Variants in PPL observed in about 807,000 individuals in gnomAD.
PPL encodes the protein periplakin, also known as 190 kDa paraneoplastic pemphigus antigen.
PPL carries 198 observed loss-of-function variants against 194.4 expected under a neutral mutation model. That is an observed-to-expected ratio of 1.02 (90% confidence interval 0.91 to 1.15). The LOEUF (loss-of-function observed/expected upper bound fraction) is 1.15, where lower values mean the gene tolerates loss of function less well. PPL is among the 50% of genes most tolerant of loss of function. PPL has a pLI of 0.00. For missense variants in PPL, 2,885 were observed against 2,294.8 expected, an observed-to-expected ratio of 1.26 and a Z score of -5.25; for synonymous variants, 1,220 against 972.4, an observed-to-expected ratio of 1.25 and a Z score of -4.74.
intron 1 of PPL, among the ~76,000 whole-genome samples, chr16:4,913,376 G>A (rs775651435): frequency 1.3e-5 from 2 of 152,150 alleles, no homozygotes; most frequent in Admixed American, 1.3e-4. Flanking sequence ...CTCCCAATCC[G>A]ATGGACTAGA....
chr16:4,895,120 C>T, intron 11 of PPL, 141 bp downstream of exon 11: 1 of 1,131,148 alleles, frequency 8.8e-7, no homozygotes, highest in Non-Finnish European at 1.2e-6. Context: ...AGTTGGCCTG[C>T]ACCAGGGGAA....
intron 4 of PPL, among the ~76,000 whole-genome samples, chr16:4,902,000 G>A (rs1341979606): frequency 6.6e-6 from 1 of 151,820 alleles, no homozygotes; most frequent in African/African-American, 2.4e-5. Flanking sequence ...GCTAAGGCTT[G>A]AACCCGGGAC....
At chr16:4,918,228 G>A (rs2088965402) in intron 1 of PPL, among the ~76,000 whole-genome samples, 2 of 151,954 alleles carry the variant, frequency 1.3e-5, no homozygotes, top group Admixed American at 6.6e-5. Flanking sequence ...GGGAGGTGGA[G>A]GTTGCAGTGA....
intron 1 of PPL, among the ~76,000 whole-genome samples, chr16:4,930,813 G>A (rs921767962): frequency 3.3e-5 from 5 of 152,208 alleles, no homozygotes; most frequent in East Asian, 1.9e-4. Context: ...CCTTGTGGCC[G>A]GGCACAGCGT....
At chr16:4,909,989 C>T (rs564215587) in intron 2 of PPL, among the ~76,000 whole-genome samples, 1 of 152,198 alleles carries the variant, frequency 6.6e-6, no homozygotes, top group African/African-American at 2.4e-5. Flanking sequence ...GACTCATCAT[C>T]CCAGCCCCTT....
intron 1 of PPL, among the ~76,000 whole-genome samples, chr16:4,930,412 C>G (rs2089212233): frequency 6.6e-6 from 1 of 152,228 alleles, no homozygotes; most frequent in Non-Finnish European, 1.5e-5. Flanking sequence ...AGCTGGAACC[C>G]CTGCCCCATT....
intron 16 of PPL, 91 bp from the exon 17 acceptor site, chr16:4,891,012 G>A (rs1306195389): frequency 2.5e-6 from 3 of 1,199,502 alleles, no homozygotes; most frequent in African/African-American, 3.1e-5. Context: ...GCCACTGACT[G>A]TAGGAGGGTG....
In PPL at chr16:4,900,895, G is replaced by C. The variant is rs374901778; in HGVS notation, c.565-24C>G. On this transcript the variant is annotated intron_variant, in intron 5 of 21. Coordinates refer to ENST00000345988, the MANE Select transcript of PPL (RefSeq NM_002705.5). ...TCCTGAGGACAGAGCCGAGGGCATG[G>C]GTCAGGGCCAGGAAGCAGGCGCGGC... 9 of 1,613,962 alleles carry C rather than the reference G, an allele frequency of 5.6e-6. No individual in the cohort carries two copies. The African/African-American group carries it at 9.3e-5, about 17-fold the overall frequency.
chr16:4,910,964 C>T lies in PPL; in HGVS notation c.63-15G>A, dbSNP rs775540007. The T allele has an allele frequency of 6.8e-6, 11 of 1,607,126 alleles. No homozygotes were observed. The highest frequency in any genetic ancestry group is 2.2e-5 in the East Asian group (1 of 44,828). On this transcript the variant is annotated splice_polypyrimidine_tract_variant and intron_variant, in intron 1 of 21. Transcript: ENST00000345988. ...TGTTAGAGATGCTGCGGGCAGAAGC[C>T]GAGGGGAGATGGGCGGGGTGCCTGG...
chr16:4,916,269 C>T (rs2088914733), intron 1 of PPL, among the ~76,000 whole-genome samples: 1 of 147,168 alleles, frequency 6.8e-6, no homozygotes, highest in Admixed American at 6.7e-5. Flanking sequence ...CTGGAGTGCA[C>T]TGGCATGATC....
chr16:4,888,634 C>T (rs1659344562), intron 19 of PPL: 2 of 343,424 alleles, frequency 5.8e-6, no homozygotes, highest in Admixed American at 4.3e-5. Flanking sequence ...TTTCCCCTTC[C>T]ACTGGACACC....
rs2088492459 is a variant in PPL at position 4,899,068 on chromosome 16, T to C, written c.821A>G (p.His274Arg). The C allele has an allele frequency of 1.3e-6, 2 of 1,587,256 alleles. No individual in the cohort carries two copies. The highest frequency in any genetic ancestry group is 1.1e-5 in the South Asian group (1 of 90,650). ...EAKEERINKL[H>R]SEGDQLLAAE... is the part of the protein sequence containing the mutation. ...CGCCAGCAGCTGGTCGCCCTCGCTG[T>C]GCAGTTTGTTGATTCTCTCCTCTTT... The change falls in exon 8 of 22, where the codon CAC becomes CGC. Residue 274 changes from histidine (H) to arginine (R), a missense_variant. Physicochemically the swap from His to Arg is conservative, Grantham distance 29. Transcript: ENST00000345988.
In PPL at chr16:4,895,671, C is replaced by T; in HGVS notation, c.1018G>A (p.Asp340Asn). 1 of 1,614,018 alleles carries T rather than the reference C, an allele frequency of 6.2e-7. No individual in the cohort carries two copies. Among genetic ancestry groups the T allele is most frequent in the Non-Finnish European group, 8.5e-7 (1 of 1,180,006 alleles). Residue 340 changes from aspartate to asparagine, a missense_variant, in exon 10 of 22, where the codon GAC (aspartate) becomes AAC (asparagine). Asp to Asn is a conservative substitution (Grantham distance 23). Transcript: ENST00000345988. ...KDAQELLRKV[D>N]SDLNQKYGPD... Reference sequence around the variant, plus strand: ...CCATACTTCTGGTTCAGGTCCGAGTCCACCTTGCGCAGCAGCTCCTGAGCG... The same window carrying T: ...CCATACTTCTGGTTCAGGTCCGAGTTCACCTTGCGCAGCAGCTCCTGAGCG...
intron 1 of PPL, among the ~76,000 whole-genome samples, chr16:4,918,227 A>G (rs951205287): frequency 1.3e-5 from 2 of 148,390 alleles, no homozygotes; most frequent in South Asian, 2.2e-4. Flanking sequence ...CGGGAGGTGG[A>G]GGTTGCAGTG....
At chr16:4,917,826 C>T (rs2088955162) in intron 1 of PPL, among the ~76,000 whole-genome samples, 1 of 151,936 alleles carries the variant, frequency 6.6e-6, no homozygotes, top group Non-Finnish European at 1.5e-5. Context: ...TACTTGAGCC[C>T]AGGGGGTTGA....
intron 9 of PPL, among the ~76,000 whole-genome samples, chr16:4,896,336 G>A (rs1422491286): frequency 6.6e-6 from 1 of 152,198 alleles, no homozygotes; most frequent in South Asian, 2.1e-4. Flanking sequence ...ACAGACAAGT[G>A]TCCAGCCACA....
In PPL at chr16:4,902,141, GAA is replaced by G. The variant is rs2088585898; in HGVS notation, c.438+263_438+264del. On this transcript the variant is annotated intron_variant, in intron 4 of 21. Transcript: ENST00000345988. The surrounding 1 kb of genome is among the most constrained non-coding windows in gnomAD (Gnocchi z 4.0). Reference sequence around the variant, plus strand: ...CCAAGACCCCAACATGCCAGGGTTGGAAAGTGGGACCCAGGAGCAGCAGCGAG... The same window carrying G: ...CCAAGACCCCAACATGCCAGGGTTGGAGTGGGACCCAGGAGCAGCAGCGAG... Among the ~76,000 whole-genome samples, 1 of 152,158 alleles carries G rather than the reference GAA, an allele frequency of 6.6e-6. No homozygotes were observed. The highest frequency in any genetic ancestry group is 2.4e-5 in the African/African-American group (1 of 41,442).
At chr16:4,890,699 A>G (rs2088302562) in intron 17 of PPL, 29 bp downstream of exon 17, 1 of 1,571,430 alleles carries the variant, frequency 6.4e-7, no homozygotes, top group Non-Finnish European at 8.6e-7. Context: ...TCAGAAAACA[A>G]AAATGGCCAC....
rs553508631 is a variant in PPL at position 4,934,228 on chromosome 16, G to C, written c.62+2756C>G. ...TAGGAACCCGGGCAACGGGAGCAAC[G>C]GGGTTCACACCCTGTCCCGGCCCTC... On this transcript the variant is annotated intron_variant, in intron 1 of 21. Transcript: ENST00000345988. Among the ~76,000 whole-genome samples the C allele has an allele frequency of 2.0e-4, 30 of 152,156 alleles. No individual in the cohort carries two copies. The South Asian group carries it at 2.3e-3, about 12-fold the overall frequency.
Sources: gnomAD v4.1 joint callset for allele counts (sites outside exome capture counted in the v4.1 genomes callset) on GRCh38, gnomAD v4.1.1 for gene constraint, Gnocchi (gnomAD v3.1) non-coding constraint, MANE v1.5 for transcripts, NCBI Gene and HGNC (gene_info 2026-07-23, HGNC 2026-07-21) for gene names.